Variants in TERB1 observed in about 807,000 individuals in gnomAD.
TERB1 encodes the protein telomere repeat binding bouquet formation protein 1, also known as telomere repeats-binding bouquet formation protein 1.
TERB1 carries 63 observed loss-of-function variants against 92.3 expected under a neutral mutation model. The ratio of observed to expected loss-of-function variants is 0.68; its 90% CI spans 0.56 to 0.84. The LOEUF (loss-of-function observed/expected upper bound fraction) is 0.84. Ranked by LOEUF, TERB1 falls within the 40% of genes least tolerant of loss-of-function variation. The probability of loss-of-function intolerance (pLI) is 0.00; values close to 1 mark genes in which losing one functional copy is unlikely to be tolerated. For synonymous variants in TERB1, 252 were observed against 283.9 expected (o/e 0.89, Z 1.13); for missense variants, 709 against 843.7 (o/e 0.84, Z 1.98).
intron 6 of TERB1, among the ~76,000 whole-genome samples, chr16:66,786,716 A>C (rs2018734206): frequency 6.6e-6 from 1 of 152,202 alleles, no homozygotes; most frequent in African/African-American, 2.4e-5. Context: ...GCCTGCTCAG[A>C]CTACCATTGT....
At chr16:66,762,126 A>C (rs1217238826) in intron 16 of TERB1, among the ~76,000 whole-genome samples, 2 of 152,226 alleles carry the variant, frequency 1.3e-5, no homozygotes, top group Non-Finnish European at 1.5e-5. Flanking sequence ...TATCCAAAAG[A>C]AGTGATCCTT....
chr16:66,787,011 T>A (rs1041269183), intron 6 of TERB1, among the ~76,000 whole-genome samples: 8 of 152,200 alleles, frequency 5.3e-5, no homozygotes, highest in African/African-American at 1.9e-4. Context: ...ATGGTCGTGC[T>A]GGGACCTGGG....
At chr16:66,764,211 C>T (rs75379119) in intron 16 of TERB1, among the ~76,000 whole-genome samples, 7 of 151,986 alleles carry the variant, frequency 4.6e-5, no homozygotes, top group East Asian at 1.9e-4. Context: ...TTTAGTAGTC[C>T]GCAAAATAAA....
chr16:66,767,989 A>C (rs1026454944), intron 15 of TERB1, 115 bp downstream of exon 15: 1 of 813,494 alleles, frequency 1.2e-6, no homozygotes. Flanking sequence ...AGGCCTCCCA[A>C]AGTGCTGGGA....
At chr16:66,792,061 A>G (rs577081242) in intron 3 of TERB1, among the ~76,000 whole-genome samples, 2 of 152,312 alleles carry the variant, frequency 1.3e-5, no homozygotes, top group African/African-American at 4.8e-5. Flanking sequence ...ATCCAACAAT[A>G]TATTAAAATA....
At chr16:66,773,165 C>CT (rs1306984354) in intron 12 of TERB1, among the ~76,000 whole-genome samples, 2 of 97,104 alleles carry the variant, frequency 2.1e-5, no homozygotes, top group Non-Finnish European at 3.9e-5. Context: ...TCCACCTCTA[C>CT]TAAAAAAAAA....
At position 66,772,154 on chromosome 16, in the gene TERB1, A is replaced by G. The variant is rs139516051; in HGVS notation, c.1272+435T>C. ...TAAAACTTTAAAAAATAACTTGGGA[A>G]GAAAAAATTTTTTACCCTCCAACCT... is the stretch of plus-strand genomic sequence containing the variant. On this transcript the variant is annotated intron_variant, in intron 13 of 18. Transcript: ENST00000433154. Among the ~76,000 whole-genome samples the G allele has an allele frequency of 6.8e-3, 1,032 of 152,320 alleles. 7 individuals carry two copies. Among genetic ancestry groups the G allele is most frequent in the Middle Eastern group, 0.017 (5 of 294 alleles).
chr16:66,790,922 A>G lies in TERB1; in HGVS notation c.129T>C (p.Ile43=), dbSNP rs1215867567. ...ATTATATCTTACTGTTTTGTTGACA[A>G]ATTGAATGAATAGTGACCAAAGCTT... is the stretch of plus-strand genomic sequence containing the variant. The part of the protein sequence containing the change: ...QKEALVTIHS[I]CQQNSNASVY... Residue 43 remains isoleucine, a synonymous_variant, in exon 4 of 19, where the codon ATT becomes ATC. Transcript: ENST00000433154. 1 of 1,545,546 alleles carries G rather than the reference A, an allele frequency of 6.5e-7. No homozygotes were observed. Among genetic ancestry groups the G allele is most frequent in the South Asian group, 1.2e-5 (1 of 83,254 alleles).
chr16:66,767,526 A>G lies in TERB1; in HGVS notation c.1685-16T>C, dbSNP rs1459194570. 5.0e-6 allele frequency: 6 copies of G among 1,190,958 alleles called. No homozygotes were observed. The highest frequency in any genetic ancestry group is 7.0e-6 in the Non-Finnish European group (6 of 853,208). The allele number at this position is 1,190,958 out of a possible 1,614,324, so 73.8% of individuals were successfully genotyped here. On this transcript the variant is annotated splice_polypyrimidine_tract_variant and intron_variant, in intron 15 of 18. Coordinates refer to ENST00000433154, the MANE Select transcript of TERB1 (RefSeq NM_001136505.2). ...GTAAATGGATCTGAAAAAAATTGCAAAATGAAGGATTTTTGGATTAATGAA... is the reference window on the plus strand; with the variant it reads ...GTAAATGGATCTGAAAAAAATTGCAGAATGAAGGATTTTTGGATTAATGAA...
At chr16:66,783,627 GTTAT>G (rs1209518739) in intron 9 of TERB1, among the ~76,000 whole-genome samples, 1 of 152,212 alleles carries the variant, frequency 6.6e-6, no homozygotes, top group African/African-American at 2.4e-5. Context: ...TGTATGTGAA[GTTAT>G]TTGTTTGTTT....
chr16:66,787,283 C>CT lies in TERB1; in HGVS notation c.400+885dup, dbSNP rs58213946. Among the ~76,000 whole-genome samples the CT allele has an allele frequency of 8.8e-3, 1,220 of 137,882 alleles. 4 individuals are homozygous for CT. Among genetic ancestry groups the CT allele is most frequent in the Non-Finnish European group, 0.012 (775 of 63,616 alleles). The allele number at this position is 137,882 out of a possible 152,430, so 90.5% of individuals were successfully genotyped here. On this transcript the variant is annotated intron_variant, in intron 6 of 18. Coordinates refer to ENST00000433154, the MANE Select transcript of TERB1 (RefSeq NM_001136505.2). ...CCAGTTAATTTTTCTTTTTCTTTTT[C>CT]TTTTTTTTTTTTTTTTATTTCTTTG...
chr16:66,790,270 G>A (rs964805441), intron 5 of TERB1, among the ~76,000 whole-genome samples: 2 of 149,296 alleles, frequency 1.3e-5, no homozygotes, highest in African/African-American at 2.5e-5. Context: ...GGAAAAAGGG[G>A]AGGGGGGCAA....
At position 66,772,705 on chromosome 16, in the gene TERB1, T is replaced by C. The variant is rs1458518627; in HGVS notation, c.1156A>G (p.Asn386Asp). The change falls in exon 13 of 19, where the codon AAT (asparagine) becomes GAT (aspartate). Residue 386 changes from asparagine to aspartate, a missense_variant. Asn to Asp is a conservative substitution (Grantham distance 23). Transcript: ENST00000433154. Reference protein sequence around the residue: ...LSLGEYPFDENETQQLKDISV... With the variant: ...LSLGEYPFDEDETQQLKDISV... Reference sequence around the variant, plus strand: ...ATGTCCTTTAATTGCTGTGTTTCATTTTCATCAAAAGGATATTCTCCTAGA... The same window carrying C: ...ATGTCCTTTAATTGCTGTGTTTCATCTTCATCAAAAGGATATTCTCCTAGA... 1 of 1,549,150 alleles carries C rather than the reference T, an allele frequency of 6.5e-7. No individual in the cohort carries two copies. The highest frequency in any genetic ancestry group is 1.4e-5 in the African/African-American group (1 of 72,932).
At chr16:66,794,676 C>T (rs962624557) in intron 3 of TERB1, among the ~76,000 whole-genome samples, 9 of 152,012 alleles carry the variant, frequency 5.9e-5, no homozygotes, top group South Asian at 2.1e-4. Context: ...TTTGGGAGGC[C>T]GAGGTGGGTG....
chr16:66,782,697 G>A (rs530490974), intron 9 of TERB1, among the ~76,000 whole-genome samples: 15 of 152,196 alleles, frequency 9.9e-5, no homozygotes, highest in Non-Finnish European at 1.6e-4. Flanking sequence ...TAGCCCCTTT[G>A]CATTCCATGT....
Position 66,785,802 on chromosome 16 carries a change from G to C in TERB1, c.684C>G (p.Leu228=), listed in dbSNP as rs1282096644. The C allele has an allele frequency of 6.5e-7, 1 of 1,543,486 alleles. No individual in the cohort carries two copies. Among genetic ancestry groups the C allele is most frequent in the Non-Finnish European group, 8.7e-7 (1 of 1,143,066 alleles). ...IIRPICSFIG[L]TLANNTYVQK... The stretch of plus-strand genomic sequence containing the variant: ...AACACTTACTGTTATTTGCAAGAGT[G>C]AGTCCAATAAATGAGCAAATAGGGC... The change falls in exon 9 of 19, where the codon CTC becomes CTG. Residue 228 remains leucine (L), a synonymous_variant. Transcript: ENST00000433154.
chr16:66,792,661 A>C lies in TERB1; in HGVS notation c.32-1642T>G, dbSNP rs185222638. Among the ~76,000 whole-genome samples, 388 of 152,350 alleles carry C rather than the reference A, an allele frequency of 2.5e-3. 6 individuals carry two copies. The highest frequency in any genetic ancestry group is 3.1e-3 in the Admixed American group (48 of 15,302). On this transcript the variant is annotated intron_variant, in intron 3 of 18. Coordinates refer to ENST00000433154, the MANE Select transcript of TERB1 (RefSeq NM_001136505.2). Reference sequence around the variant, plus strand: ...AAAAGCATCATTAGTTGATTTTATCATTGTATCAACATCATAGACTTTACT... The same window carrying C: ...AAAAGCATCATTAGTTGATTTTATCCTTGTATCAACATCATAGACTTTACT...
chr16:66,790,869 G>T, intron 4 of TERB1, 40 bp downstream of exon 4: 3 of 1,443,658 alleles, frequency 2.1e-6, no homozygotes, highest in Non-Finnish European at 2.8e-6. Context: ...GAGTACTAAA[G>T]AACTAGAATC....
chr16:66,787,900 A>G (rs2018755501), intron 6 of TERB1, among the ~76,000 whole-genome samples: 1 of 152,132 alleles, frequency 6.6e-6, no homozygotes, highest in African/African-American at 2.4e-5. Flanking sequence ...TGTCTCTACT[A>G]AAAATCCAAA....
Sources: allele counts gnomAD v4.1 joint callset (sites outside exome capture counted in the v4.1 genomes callset), GRCh38; gene constraint gnomAD v4.1.1; transcripts MANE v1.5; gene names NCBI Gene and HGNC (gene_info 2026-07-23, HGNC 2026-07-21).